TRHDE: variants seen among roughly 807,000 people sequenced by gnomAD.
The protein encoded by TRHDE is thyrotropin-releasing hormone-degrading ectoenzyme.
In TRHDE, 72 loss-of-function variants were observed where a neutral mutation model predicts 125.7. The observed-to-expected ratio is 0.57, with a 90% CI of 0.47 to 0.70. TRHDE has a LOEUF of 0.70. TRHDE is among the 30% of genes least tolerant of loss of function. TRHDE has a pLI of 0.00. For synonymous variants in TRHDE, 509 were observed against 509.1 expected (o/e 1.00, Z 0.00); for missense variants, 1,110 against 1,327.1 (o/e 0.84, Z 2.54).
intron 2 of TRHDE, among the ~76,000 whole-genome samples, chr12:72,309,368 G>A (rs770146662): frequency 4.6e-5 from 7 of 152,148 alleles, no homozygotes; most frequent in Non-Finnish European, 1.0e-4. Flanking sequence ...CATGTGTTAT[G>A]TGCTGAATAG....
intron 12 of TRHDE, among the ~76,000 whole-genome samples, chr12:72,617,346 T>C (rs1378456226): frequency 6.6e-6 from 1 of 152,138 alleles, no homozygotes; most frequent in Non-Finnish European, 1.5e-5. Context: ...TCAGAATTGG[T>C]TTTTATTATG....
At chr12:72,131,375 A>G (rs977854220) in intron 2 of TRHDE, among the ~76,000 whole-genome samples, 1 of 151,920 alleles carries the variant, frequency 6.6e-6, no homozygotes, top group African/African-American at 2.4e-5. Context: ...CCCGGCCTCT[A>G]CTTAATGTAT....
intron 2 of TRHDE, among the ~76,000 whole-genome samples, chr12:72,177,864 A>T (rs374410090): frequency 2.0e-4 from 30 of 152,256 alleles, no homozygotes; most frequent in African/African-American, 7.2e-4. Flanking sequence ...ATAAAAAAAT[A>T]CAAGTGAGTA....
intron 2 of TRHDE, among the ~76,000 whole-genome samples, chr12:72,348,056 A>C (rs1325460766): frequency 6.6e-6 from 1 of 151,952 alleles, no homozygotes; most frequent in East Asian, 1.9e-4. Context: ...AAAATATTTT[A>C]ATTGACAATC....
chr12:72,212,529 A>G (rs1159374531), intron 2 of TRHDE, among the ~76,000 whole-genome samples: 1 of 152,090 alleles, frequency 6.6e-6, no homozygotes, highest in East Asian at 1.9e-4. Flanking sequence ...ATAACAAATA[A>G]CCCATTAAAA....
intron 3 of TRHDE, among the ~76,000 whole-genome samples, chr12:72,465,427 G>A (rs943830339): frequency 6.6e-6 from 1 of 152,112 alleles, no homozygotes; most frequent in Non-Finnish European, 1.5e-5. Context: ...CTATAGATTA[G>A]TTTGCATTTT....
chr12:72,125,140 C>CT (rs1875683366), intron 2 of TRHDE, among the ~76,000 whole-genome samples: 2 of 151,510 alleles, frequency 1.3e-5, no homozygotes, highest in Non-Finnish European at 2.9e-5. Context: ...TTTTCTTGTG[C>CT]TTTTTTTTAA....
At chr12:72,504,262 G>C (rs1359794151) in intron 6 of TRHDE, among the ~76,000 whole-genome samples, 1 of 151,972 alleles carries the variant, frequency 6.6e-6, no homozygotes, top group Non-Finnish European at 1.5e-5. Flanking sequence ...GGAAGAATAA[G>C]CTGGATATGA....
intron 2 of TRHDE, among the ~76,000 whole-genome samples, chr12:72,243,195 G>A (rs2139382194): frequency 6.6e-6 from 1 of 152,336 alleles, no homozygotes; most frequent in South Asian, 2.1e-4. Flanking sequence ...TTCCTGCGAT[G>A]AATGCTACTG....
chr12:72,442,827 A>G (rs975678593), intron 3 of TRHDE, among the ~76,000 whole-genome samples: 3 of 151,838 alleles, frequency 2.0e-5, no homozygotes, highest in Non-Finnish European at 4.4e-5. Flanking sequence ...CTGCCTTCAT[A>G]TCAGTCATCC....
intron 12 of TRHDE, chr12:72,582,604 G>C: frequency 1.0e-6 from 1 of 985,354 alleles, no homozygotes; most frequent in Non-Finnish European, 1.2e-6. Flanking sequence ...CCTGACCCTG[G>C]CTAGATGAGT....
At chr12:72,304,250 T>C (rs1001474700) in intron 2 of TRHDE, among the ~76,000 whole-genome samples, 1 of 152,184 alleles carries the variant, frequency 6.6e-6, no homozygotes, top group Non-Finnish European at 1.5e-5. Context: ...ATAGTCTTAA[T>C]TGTTCTGATT....
At chr12:72,224,150 GTATGTATGTATGTATGTATCTATC>G (rs1207241348) in intron 2 of TRHDE, among the ~76,000 whole-genome samples, 12,294 of 85,122 alleles carry the variant, frequency 0.14, 697 homozygotes, top group Non-Finnish European at 0.15. Flanking sequence ...ATTTATCTAT[GTATGTATGTATGTATGTATCTATC>G]TATCTATCTA....
chr12:72,348,795 C>T (rs1002620905), intron 2 of TRHDE, among the ~76,000 whole-genome samples: 2 of 151,974 alleles, frequency 1.3e-5, no homozygotes, highest in African/African-American at 4.8e-5. Context: ...TATAGATGGC[C>T]ATGAAAATAA....
chr12:72,264,052 AAC>A (rs1217765877), intron 2 of TRHDE: 3 of 152,042 alleles, frequency 2.0e-5, no homozygotes, highest in Non-Finnish European at 2.9e-5. Flanking sequence ...TCTCCACCAC[AAC>A]ACACAAAAAA....
intron 1 of TRHDE, among the ~76,000 whole-genome samples, chr12:72,276,831 A>G (rs775653513): frequency 1.6e-4 from 25 of 152,176 alleles, no homozygotes; most frequent in Non-Finnish European, 2.2e-4. Flanking sequence ...TTTTTCATCA[A>G]CTAGGTGTGC....
chr12:72,600,848 C>CA (rs1872178534), intron 12 of TRHDE, among the ~76,000 whole-genome samples: 1 of 152,040 alleles, frequency 6.6e-6, no homozygotes, highest in Non-Finnish European at 1.5e-5. Flanking sequence ...ATTTCTTTCA[C>CA]AATTACTGAC....
intron 2 of TRHDE, among the ~76,000 whole-genome samples, chr12:72,246,644 G>T (rs1878581007): frequency 6.6e-6 from 1 of 152,138 alleles, no homozygotes; most frequent in African/African-American, 2.4e-5. Flanking sequence ...ACAAACTGAG[G>T]ACACTCCCTG....
intron 3 of TRHDE, among the ~76,000 whole-genome samples, chr12:72,429,126 T>C (rs947506319): frequency 5.3e-5 from 8 of 151,896 alleles, no homozygotes; most frequent in Non-Finnish European, 1.0e-4. Context: ...TTCTCACTTG[T>C]AAGTGAGAGT....
Sources: gnomAD v4.1 joint callset for allele counts (sites outside exome capture counted in the v4.1 genomes callset) on GRCh38, gnomAD v4.1.1 for gene constraint, MANE v1.5 for transcripts, NCBI Gene and HGNC (gene_info 2026-07-23, HGNC 2026-07-21) for gene names.